BOP1: variants seen among roughly 807,000 people sequenced by gnomAD.
BOP1 encodes BOP1 ribosomal biogenesis factor, also known as ribosome biogenesis protein BOP1.
In BOP1, 54 loss-of-function variants were observed where a neutral mutation model predicts 82.9. The ratio of observed to expected loss-of-function variants is 0.65; its 90% CI spans 0.52 to 0.82. The LOEUF (loss-of-function observed/expected upper bound fraction) is 0.82. BOP1 is among the 40% of genes least tolerant of loss of function. The pLI, the probability that BOP1 is intolerant of heterozygous loss-of-function variation, is 0.00. For synonymous variants in BOP1, 566 were observed against 451.1 expected, an observed-to-expected ratio of 1.25 and a Z score of -3.23; for missense variants, 1,170 against 1,072.0, an observed-to-expected ratio of 1.09 and a Z score of -1.28.
chr8:144,278,114 G>A (rs1845599509), intron 2 of BOP1, among the ~76,000 whole-genome samples: 1 of 152,224 alleles, frequency 6.6e-6, no homozygotes, highest in Admixed American at 6.5e-5. Context: ...GCCCGATGGA[G>A]CACGAGAGTT....
chr8:144,262,913 G>C lies in BOP1; in HGVS notation c.1834C>G (p.Leu612Val), dbSNP rs1440479315. 6.4e-7 allele frequency: 1 copy of C among 1,551,132 alleles called. No individual in the cohort carries two copies. The highest frequency in any genetic ancestry group is 8.7e-7 in the Non-Finnish European group (1 of 1,155,442). ...VRLYHLLRQE[L>V]TKKLMPNCKW... ...CAGTTGGGCATCAGCTTCTTGGTGA[G>C]CTCCTGGCGCAGCAGGTGGTAGAGG... The change falls in exon 13 of 16, where the codon CTC becomes GTC. Residue 612 changes from leucine (L) to valine (V), a missense_variant. Leu to Val is a conservative substitution (Grantham distance 32). Coordinates refer to ENST00000569669, the MANE Select transcript of BOP1 (RefSeq NM_015201.5).
chr8:144,285,328 C>G (rs1554839340), intron 2 of BOP1, among the ~76,000 whole-genome samples: 1 of 152,182 alleles, frequency 6.6e-6, no homozygotes, highest in Non-Finnish European at 1.5e-5. Context: ...CTGTTCCAGT[C>G]TGATGTGATG....
intron 3 of BOP1, chr8:144,266,976 C>T: frequency 6.4e-7 from 1 of 1,554,536 alleles, no homozygotes; most frequent in Non-Finnish European, 8.6e-7. Flanking sequence ...GCCTGGCCTC[C>T]AGCTACATCT....
chr8:144,264,679 C>A, intron 5 of BOP1, 35 bp downstream of exon 5: 2 of 1,562,910 alleles, frequency 1.3e-6, no homozygotes, highest in Non-Finnish European at 1.7e-6. Context: ...GCCTCCAGGA[C>A]CCCCGCCGCC....
chr8:144,265,251 G>A lies in BOP1; in HGVS notation c.391-180C>T, dbSNP rs1461185200. ...GCCCTGGGGTCTGACGTGGCATGGC[G>A]GCCACGCTGCCCCCACCCCCGCCCT... is the stretch of plus-strand genomic sequence containing the variant. On this transcript the variant is annotated intron_variant, in intron 3 of 15. Transcript: ENST00000569669. 56 of 715,538 alleles carry A rather than the reference G, an allele frequency of 7.8e-5. 2 individuals carry two copies. The highest frequency in any genetic ancestry group is 1.7e-4 in the South Asian group (9 of 53,362). The allele number at this position is 715,538 out of a possible 1,614,324, so 44.3% of individuals were successfully genotyped here.
intron 13 of BOP1, 51 bp downstream of exon 13, chr8:144,262,802 C>CGGGGGGGGGGG: frequency 1.2e-6 from 1 of 845,252 alleles, no homozygotes. Flanking sequence ...CAGGGTACAC[C>CGGGGGGGGGGG]GCCCCCCCCC....
chr8:144,263,147 G>A lies in BOP1; in HGVS notation c.1606-6C>T. On this transcript the variant is annotated splice_region_variant and splice_polypyrimidine_tract_variant and intron_variant, in intron 12 of 15. Transcript: ENST00000569669. ...CAGGTCACCTGCGTCACTGGCTGCA[G>A]GAGAGCAAGGCTGGCTGAGTGGCTG... 1 of 1,593,696 alleles carries A rather than the reference G, an allele frequency of 6.3e-7. No individual in the cohort carries two copies. The highest frequency in any genetic ancestry group is 2.2e-5 in the East Asian group (1 of 44,764).
chr8:144,271,419 T>C (rs1243702194), intron 3 of BOP1, among the ~76,000 whole-genome samples: 1 of 151,724 alleles, frequency 6.6e-6, no homozygotes, highest in African/African-American at 2.4e-5. Flanking sequence ...GAGCGTGGGG[T>C]CAGCCGCCCT....
At chr8:144,280,830 TGACA>T (rs1436108552) in intron 2 of BOP1, among the ~76,000 whole-genome samples, 1 of 151,868 alleles carries the variant, frequency 6.6e-6, no homozygotes, top group African/African-American at 2.4e-5. Context: ...CCAGCCCGGG[TGACA>T]GACAGACTCT....
chr8:144,268,442 A>G (rs1845432311), intron 3 of BOP1: 2 of 551,258 alleles, frequency 3.6e-6, no homozygotes, highest in Non-Finnish European at 6.4e-6. Context: ...ATAAAGTCTG[A>G]AAATTTTGTA....
In BOP1 at chr8:144,264,516, T is replaced by C. The variant is rs1845311767; in HGVS notation, c.764A>G (p.Lys255Arg). Residue 255 changes from lysine to arginine, a missense_variant and splice_region_variant, in exon 6 of 16, where the codon AAG (lysine) becomes AGG (arginine). Coordinates refer to ENST00000569669, the MANE Select transcript of BOP1 (RefSeq NM_015201.5). ...AGCCCCAGGGGCTGTGTGCCCCACC[T>C]TCTCCTTCTCCACCAGGGAGGGGAT... Reference protein sequence around the residue: ...SFIPSLVEKEKVSRMVHAIKM... With the variant: ...SFIPSLVEKERVSRMVHAIKM... 6.2e-7 allele frequency: 1 copy of C among 1,609,606 alleles called. No individual in the cohort carries two copies. The highest frequency in any genetic ancestry group is 8.5e-7 in the Non-Finnish European group (1 of 1,178,888).
At position 144,264,988 on chromosome 8, in the gene BOP1, G is replaced by A. The variant is rs1299888113; in HGVS notation, c.474C>T (p.Arg158=). Residue 158 remains arginine (R), a synonymous_variant, in exon 4 of 16, where the codon CGC becomes CGT. Transcript: ENST00000569669. ...CCCGGGTCCGCAGGGGCTTGTAGATGCGCCTGCCATCCAGGTCGTAGCCCA... is the reference window on the plus strand; with the variant it reads ...CCCGGGTCCGCAGGGGCTTGTAGATACGCCTGCCATCCAGGTCGTAGCCCA... ...PHVGYDLDGR[R]IYKPLRTRDE... The A allele has an allele frequency of 1.2e-6, 2 of 1,612,288 alleles. No homozygotes were observed. Among genetic ancestry groups the A allele is most frequent in the Non-Finnish European group, 1.7e-6 (2 of 1,179,760 alleles).
intron 3 of BOP1, among the ~76,000 whole-genome samples, chr8:144,270,862 C>A (rs10088505): frequency 6.6e-6 from 1 of 151,978 alleles, no homozygotes; most frequent in Admixed American, 6.5e-5. Context: ...AGCCTGCACC[C>A]TGGGCCAGCA....
rs1588591334 is a variant in BOP1 at position 144,266,934 on chromosome 8, C to T, written c.391-1863G>A. ...GCACGCTGATCCCCACCGAGCCCGCCGACCGCAAGCTCTCCAAGATTGAGA... is the reference window on the plus strand; with the variant it reads ...GCACGCTGATCCCCACCGAGCCCGCTGACCGCAAGCTCTCCAAGATTGAGA... On this transcript the variant is annotated intron_variant, in intron 3 of 15. Transcript: ENST00000569669. 14 of 1,558,510 alleles carry T rather than the reference C, an allele frequency of 9.0e-6. No homozygotes were observed. The South Asian group carries it at 1.1e-4, about 13-fold the overall frequency.
intron 14 of BOP1, 27 bp downstream of exon 14, chr8:144,262,561 G>C (rs1588585354): frequency 1.9e-6 from 3 of 1,612,772 alleles, no homozygotes; most frequent in African/African-American, 2.7e-5. Context: ...GGCTCTGCTG[G>C]CCGCCTCCAC....
chr8:144,264,169 G>A, intron 7 of BOP1, 27 bp from the exon 8 acceptor site: 1 of 1,610,370 alleles, frequency 6.2e-7, no homozygotes. Flanking sequence ...ACAGGGGTGG[G>A]GAGGGTCACA....
chr8:144,265,113 G>A (rs1206054846), intron 3 of BOP1, 42 bp from the exon 4 acceptor site: 3 of 1,587,186 alleles, frequency 1.9e-6, no homozygotes, highest in East Asian at 4.5e-5. Context: ...ATCCTACAAG[G>A]CCCACCCCCG....
At chr8:144,266,721 C>G in intron 3 of BOP1, 1 of 1,190,476 alleles carries the variant, frequency 8.4e-7, no homozygotes, top group Non-Finnish European at 1.1e-6. Context: ...CGGGCTCCGA[C>G]GAGAAACCCT....
At chr8:144,285,427 G>A (rs1209266152) in intron 2 of BOP1, among the ~76,000 whole-genome samples, 2 of 152,222 alleles carry the variant, frequency 1.3e-5, no homozygotes, top group Non-Finnish European at 2.9e-5. Flanking sequence ...GCGACAGGAG[G>A]GAGTGGGGGG....
Sources: gnomAD v4.1 joint callset for allele counts (sites outside exome capture counted in the v4.1 genomes callset) on GRCh38, gnomAD v4.1.1 for gene constraint, MANE v1.5 for transcripts, NCBI Gene and HGNC (gene_info 2026-07-23, HGNC 2026-07-21) for gene names.